The following AOPEP variants were observed in gnomAD, a reference collection of about 807,000 sequenced individuals.
The protein encoded by AOPEP is aminopeptidase O (putative).
Under a neutral mutation model 98.1 loss-of-function variants are expected in AOPEP, and 77 were observed. The observed-to-expected ratio is 0.78, with a 90% confidence interval of 0.65 to 0.95. AOPEP has a LOEUF of 0.95. AOPEP is among the 40% of genes least tolerant of loss of function. AOPEP has a pLI of 0.00. For synonymous variants in AOPEP, 346 were observed against 365.3 expected, an observed-to-expected ratio of 0.95 and a Z score of 0.60; for missense variants, 1,024 against 1,024.7, an observed-to-expected ratio of 1.00 and a Z score of 0.01.
At chr9:94,975,672 G>T (rs564663872) in intron 10 of AOPEP, among the ~76,000 whole-genome samples, 1 of 152,206 alleles carries the variant, frequency 6.6e-6, no homozygotes, top group African/African-American at 2.4e-5. Context: ...CATGTGGGCC[G>T]CTCTCGTTGC....
chr9:94,769,147 T>A (rs1840302375), intron 2 of AOPEP, among the ~76,000 whole-genome samples: 1 of 152,220 alleles, frequency 6.6e-6, no homozygotes, highest in African/African-American at 2.4e-5. Context: ...ATTTCATGAC[T>A]CTGGGAAGGC....
chr9:94,969,117 A>T (rs2059380474), intron 10 of AOPEP, among the ~76,000 whole-genome samples: 1 of 152,110 alleles, frequency 6.6e-6, no homozygotes, highest in Non-Finnish European at 1.5e-5. Context: ...ACTTTGTTAC[A>T]AATGGGGAAA....
intron 2 of AOPEP, among the ~76,000 whole-genome samples, chr9:94,771,997 CT>C (rs1840998493): frequency 6.6e-6 from 1 of 152,174 alleles, no homozygotes; most frequent in Non-Finnish European, 1.5e-5. Context: ...GTTGAACCAT[CT>C]TTCTGTGTTT....
chr9:94,926,045 C>T (rs531067984), intron 6 of AOPEP, among the ~76,000 whole-genome samples: 7 of 152,330 alleles, frequency 4.6e-5, no homozygotes, highest in Admixed American at 4.6e-4. Flanking sequence ...ACCATCTCTT[C>T]CCTGGAGTGC....
At chr9:94,761,122 G>A (rs928342779) in intron 2 of AOPEP, among the ~76,000 whole-genome samples, 1 of 152,082 alleles carries the variant, frequency 6.6e-6, no homozygotes, top group African/African-American at 2.4e-5. Flanking sequence ...CCCCCCCAAA[G>A]CATACAAAAG....
chr9:95,086,887 TCCCTGGAGGCTGCCTCCTG>T lies in AOPEP; in HGVS notation c.*218_*236del, dbSNP rs931863595. 40 of 986,908 alleles carry T rather than the reference TCCCTGGAGGCTGCCTCCTG, an allele frequency of 4.1e-5. No homozygotes were observed. In the Admixed American group the frequency reaches 1.5e-3, roughly 38 times the overall value. The allele number at this position is 986,908 out of a possible 1,614,324, so 61.1% of individuals were successfully genotyped here. A position where few individuals can be genotyped will look rare whatever the true frequency, so the allele number is the denominator to read the frequency against. ...CAGATTCTCGTAAACGCAGCCTCCC[TCCCTGGAGGCTGCCTCCTG>T]CCCTGGATCTGGAGTGGAGCTGCTC... On this transcript the variant is annotated 3_prime_UTR_variant, in exon 17 of 17. Coordinates refer to ENST00000375315, the MANE Select transcript of AOPEP (RefSeq NM_001193329.3).
chr9:94,955,278 A>G lies in AOPEP; in HGVS notation c.1763A>G (p.Lys588Arg). 6.2e-7 allele frequency: 1 copy of G among 1,600,754 alleles called. No individual in the cohort carries two copies. The highest frequency in any genetic ancestry group is 8.5e-7 in the Non-Finnish European group (1 of 1,170,296). The part of the protein sequence containing the change: ...EKIFMQVHYL[K>R]GYFLLRFLAK... The stretch of plus-strand genomic sequence containing the variant: ...ATCTTCATGCAGGTGCATTATTTAA[A>G]GGTAAGCACATGTCAGTTGCAGAAG... The change falls in exon 8 of 17, where the codon AAG becomes AGG. Residue 588 changes from lysine to arginine, a missense_variant and splice_region_variant. Physicochemically the swap from Lys to Arg is conservative, Grantham distance 26 (BLOSUM62 2). Coordinates refer to ENST00000375315, the MANE Select transcript of AOPEP (RefSeq NM_001193329.3).
chr9:94,743,239 GA>G (rs879661618), intron 1 of AOPEP, among the ~76,000 whole-genome samples: 6,895 of 150,278 alleles, frequency 0.046, 190 homozygotes, highest in Admixed American at 0.067. Flanking sequence ...AGAGGAAGAA[GA>G]AGAGGAAGAA....
At position 94,814,454 on chromosome 9, in the gene AOPEP, A is replaced by G. The variant is rs72746558; in HGVS notation, c.1364+13452A>G. Among the ~76,000 whole-genome samples the G allele has an allele frequency of 5.3e-3, 801 of 152,316 alleles. 11 individuals are homozygous for G. The highest frequency in any genetic ancestry group is 0.044 in the South Asian group (210 of 4,824). On this transcript the variant is annotated intron_variant, in intron 5 of 16. Coordinates refer to ENST00000375315, the MANE Select transcript of AOPEP (RefSeq NM_001193329.3). ...CAAAGAGGGAGGTTAGGACTTTCCCAGGAGGTTAGGACTTGAATGGCATTC... is the reference window on the plus strand; with the variant it reads ...CAAAGAGGGAGGTTAGGACTTTCCCGGGAGGTTAGGACTTGAATGGCATTC...
the AOPEP span, chr9:95,114,616 AG>A: frequency 6.2e-7 from 1 of 1,610,846 alleles, no homozygotes; most frequent in Non-Finnish European, 8.5e-7. Flanking sequence ...GGGAGTGGTC[AG>A]TGTTTGCTCA....
chr9:95,144,136 G>A, the AOPEP span, among the ~76,000 whole-genome samples: 2 of 152,262 alleles, frequency 1.3e-5, no homozygotes, highest in East Asian at 3.9e-4. Flanking sequence ...ATCTGGGGAG[G>A]GGGGGCTGGG....
At chr9:95,032,099 T>TG (rs1322870586) in intron 13 of AOPEP, among the ~76,000 whole-genome samples, 1 of 152,190 alleles carries the variant, frequency 6.6e-6, no homozygotes, top group African/African-American at 2.4e-5. Flanking sequence ...GCAAACTAAC[T>TG]GGGGGGCCCT....
chr9:94,792,671 A>G, intron 3 of AOPEP, 94 bp from the exon 4 acceptor site: 9 of 1,247,138 alleles, frequency 7.2e-6, no homozygotes, highest in Non-Finnish European at 8.7e-6. Flanking sequence ...CCAGCTTATC[A>G]CAAAAGCTCT....
At chr9:95,097,490 G>C in the AOPEP span, among the ~76,000 whole-genome samples, 1 of 152,240 alleles carries the variant, frequency 6.6e-6, no homozygotes, top group Non-Finnish European at 1.5e-5. Context: ...CTTTCTCCCG[G>C]CTGGAGTGGG....
chr9:94,739,978 G>A (rs1832708404), intron 1 of AOPEP, among the ~76,000 whole-genome samples: 1 of 152,174 alleles, frequency 6.6e-6, no homozygotes, highest in African/African-American at 2.4e-5. Flanking sequence ...GGTATGGCAT[G>A]ATGACAGACA....
chr9:95,142,784 G>A, the AOPEP span, among the ~76,000 whole-genome samples: 1 of 152,126 alleles, frequency 6.6e-6, no homozygotes, highest in East Asian at 1.9e-4. Context: ...TGTTAGAGTG[G>A]TCAGAGACTC....
the AOPEP span, among the ~76,000 whole-genome samples, chr9:95,106,318 T>C: frequency 6.6e-6 from 1 of 152,258 alleles, no homozygotes; most frequent in Non-Finnish European, 1.5e-5. Flanking sequence ...TTGTTTATCT[T>C]TTTGTTGTTG....
chr9:94,760,056 A>G lies in AOPEP; in HGVS notation c.273A>G (p.Ser91=). 1 of 1,614,188 alleles carries G rather than the reference A, an allele frequency of 6.2e-7. No individual in the cohort carries two copies. The highest frequency in any genetic ancestry group is 8.5e-7 in the Non-Finnish European group (1 of 1,180,006). The change falls in exon 2 of 17, where the codon TCA becomes TCG. Residue 91 remains serine, a synonymous_variant. Transcript: ENST00000375315. ...CCGTGACAAATGCAAGGACCTTCTC[A>G]TCTGAAATGGAATATAATGATTTTG... The part of the protein sequence containing the change: ...HIPVTNARTF[S]SEMEYNDFAI...
At chr9:94,853,714 C>T (rs2135244948) in intron 5 of AOPEP, among the ~76,000 whole-genome samples, 1 of 152,232 alleles carries the variant, frequency 6.6e-6, no homozygotes, top group African/African-American at 2.4e-5. Flanking sequence ...GAGCTCTACT[C>T]CACACAGAGA....
Sources: allele counts gnomAD v4.1 joint callset (sites outside exome capture counted in the v4.1 genomes callset), GRCh38; gene constraint gnomAD v4.1.1; transcripts MANE v1.5; gene names NCBI Gene and HGNC (gene_info 2026-07-23, HGNC 2026-07-21).